The following DET1 variants were observed in gnomAD, a reference collection of about 807,000 sequenced individuals.
DET1 encodes DET1 homolog.
DET1 carries 22 observed loss-of-function variants against 43.7 expected under a neutral mutation model. The observed-to-expected ratio is 0.50, with a 90% CI of 0.36 to 0.72. The LOEUF (loss-of-function observed/expected upper bound fraction) is 0.72. DET1 is among the 30% of genes least tolerant of loss of function. The probability of loss-of-function intolerance (pLI) is 0.00; values close to 1 mark genes in which losing one functional copy is unlikely to be tolerated. For synonymous variants in DET1, 315 were observed against 266.2 expected (o/e 1.18, Z -1.79); for missense variants, 713 against 713.3 (o/e 1.00, Z 0.00).
intron 3 of DET1, among the ~76,000 whole-genome samples, chr15:88,523,262 T>C (rs1233494299): frequency 6.6e-6 from 1 of 152,200 alleles, no homozygotes. Flanking sequence ...CTCATGATCC[T>C]TGGTGACCAT....
intron 3 of DET1, among the ~76,000 whole-genome samples, chr15:88,518,082 G>A (rs1475221861): frequency 3.3e-5 from 5 of 151,204 alleles, no homozygotes; most frequent in Admixed American, 2.6e-4. Flanking sequence ...AGGACGACAG[G>A]TGCGTGCCAC....
chr15:88,511,598 C>T, downstream of DET1: 1 of 985,244 alleles, frequency 1.0e-6, no homozygotes, highest in Non-Finnish European at 1.2e-6. Context: ...TAGAGAGACA[C>T]AATGAGAGCT....
At chr15:88,532,509 T>A (rs2056842091) in intron 1 of DET1, among the ~76,000 whole-genome samples, 1 of 152,172 alleles carries the variant, frequency 6.6e-6, no homozygotes, top group Non-Finnish European at 1.5e-5. Context: ...CACAAAATAA[T>A]TTTGAAAAAG....
At chr15:88,517,786 T>C (rs2056386144) in intron 3 of DET1, among the ~76,000 whole-genome samples, 1 of 152,212 alleles carries the variant, frequency 6.6e-6, no homozygotes, top group Admixed American at 6.5e-5. Flanking sequence ...TTTGTTTGTT[T>C]AAATAAAATT....
intron 7 of DET1, among the ~76,000 whole-genome samples, chr15:88,506,101 G>A (rs2056137596): frequency 6.6e-6 from 1 of 152,200 alleles, no homozygotes; most frequent in Non-Finnish European, 1.5e-5. Context: ...CAGGCCAAGA[G>A]ATTTACAGAG....
chr15:88,527,762 T>G lies in DET1; in HGVS notation c.1108A>C (p.Met370Leu). ...SQASFFVVYNMVTTEVIAVFE... is the reference protein window; with the variant it reads ...SQASFFVVYNLVTTEVIAVFE... ...ACAGCAATCACCTCTGTCGTCACCA[T>G]ATTGTACACCACAAAGAAAGATGCC... is the stretch of plus-strand genomic sequence containing the variant. Residue 370 changes from methionine to leucine, a missense_variant, in exon 3 of 5, where the codon ATG (methionine) becomes CTG (leucine). Coordinates refer to ENST00000268148, the MANE Select transcript of DET1 (RefSeq NM_001144074.3). 2 of 1,607,504 alleles carry G rather than the reference T, an allele frequency of 1.2e-6. No homozygotes were observed. The highest frequency in any genetic ancestry group is 1.1e-5 in the South Asian group (1 of 90,322).
At position 88,527,893 on chromosome 15, in the gene DET1, A is replaced by AAACAACAACAACAACAAC. The variant is rs3217481; in HGVS notation, c.1084-125_1084-108dup. 3 of 461,052 alleles carry AAACAACAACAACAACAAC rather than the reference A, an allele frequency of 6.5e-6. No individual in the cohort carries two copies. In the Admixed American group the frequency reaches 1.3e-4, roughly 20 times the overall value. The allele number at this position is 461,052 out of a possible 1,614,324, so 28.6% of individuals were successfully genotyped here. A position where few individuals can be genotyped will look rare whatever the true frequency, so the allele number is the denominator to read the frequency against. The stretch of plus-strand genomic sequence containing the variant: ...AAAATTCAAGGCATGAATTTTCCAA[A>AAACAACAACAACAACAAC]AACAACAACAACAACAACAACAACA... On this transcript the variant is annotated intron_variant, in intron 2 of 4. Transcript: ENST00000268148.
intron 3 of DET1, among the ~76,000 whole-genome samples, chr15:88,525,861 A>G (rs1448985424): frequency 2.9e-5 from 4 of 138,432 alleles, no homozygotes; most frequent in African/African-American, 8.3e-5. Context: ...ATTTTTTGTA[A>G]AGATAGGGTT....
chr15:88,536,386 G>A, intron 1 of DET1: 1 of 768,564 alleles, frequency 1.3e-6, no homozygotes, highest in Non-Finnish European at 2.4e-6. Context: ...CAGCACCTAG[G>A]AGAAGGGACA....
chr15:88,508,051 T>C (rs548456810), downstream of DET1, among the ~76,000 whole-genome samples: 15 of 152,188 alleles, frequency 9.9e-5, no homozygotes, highest in African/African-American at 3.4e-4. Flanking sequence ...GGGATCTAGG[T>C]TGTGCGCTCC....
Position 88,531,119 on chromosome 15 carries a change from A to G in DET1, c.587T>C (p.Ile196Thr). 6.2e-7 allele frequency: 1 copy of G among 1,613,992 alleles called. No individual in the cohort carries two copies. Among genetic ancestry groups the G allele is most frequent in the South Asian group, 1.1e-5 (1 of 91,072 alleles). ...ACATAAGCGGCCGGTGTGAAGGTCA[A>G]TGATATGGAGGGAATAGTCTTCTAG... ...SPLEDYSLHI[I>T]DLHTGRLCDT... is the part of the protein sequence containing the mutation. Residue 196 changes from isoleucine (I) to threonine (T), a missense_variant, in exon 2 of 5, where the codon ATT (isoleucine) becomes ACT (threonine). By Grantham distance (89) the Ile-to-Thr change is moderately conservative. Coordinates refer to ENST00000268148, the MANE Select transcript of DET1 (RefSeq NM_001144074.3). The surrounding 1 kb of genome is among the most constrained non-coding windows in gnomAD (Gnocchi z 6.2).
intron 1 of DET1, among the ~76,000 whole-genome samples, chr15:88,538,008 G>A (rs997976146): frequency 5.3e-5 from 8 of 152,172 alleles, no homozygotes; most frequent in African/African-American, 1.9e-4. Flanking sequence ...GTACTCTCCA[G>A]ACAGGAAGTA....
At chr15:88,539,412 C>A (rs1276168540) in intron 1 of DET1, among the ~76,000 whole-genome samples, 3 of 136,142 alleles carry the variant, frequency 2.2e-5, no homozygotes, top group Non-Finnish European at 3.0e-5. Flanking sequence ...GGGCATCTGA[C>A]TGATCCCATC....
chr15:88,531,275 C>A lies in DET1; in HGVS notation c.431G>T (p.Cys144Phe). The change falls in exon 2 of 5, where the codon TGT becomes TTT. Residue 144 changes from cysteine to phenylalanine, a missense_variant. Physicochemically the swap from Cys to Phe is radical, Grantham distance 205. Coordinates refer to ENST00000268148, the MANE Select transcript of DET1 (RefSeq NM_001144074.3). This position sits in a 1 kb window ranked among gnomAD's most constrained non-coding sequence, Gnocchi z 6.2. ...GCGGCAGTCATCAGTGAAGAGACTA[C>A]ACTCCCGGTTCAGGTGCTCACCATT... ...AANGEHLNRE[C>F]SLFTDDCRCV... 1 of 1,613,942 alleles carries A rather than the reference C, an allele frequency of 6.2e-7. No individual in the cohort carries two copies. The highest frequency in any genetic ancestry group is 8.5e-7 in the Non-Finnish European group (1 of 1,179,864).
chr15:88,502,735 C>T (rs927454005), intron 8 of DET1: 5 of 152,210 alleles, frequency 3.3e-5, no homozygotes, highest in Non-Finnish European at 7.3e-5. Context: ...CTTGTTAACT[C>T]CATACTCAAA....
chr15:88,532,392 A>C (rs1300863019), intron 1 of DET1, among the ~76,000 whole-genome samples: 1 of 152,260 alleles, frequency 6.6e-6, no homozygotes, highest in African/African-American at 2.4e-5. Flanking sequence ...ATTACCCAAA[A>C]TAATCTACAG....
rs552571463 is a variant in DET1, at chr15:88,544,751, C to G, written c.-11+1789G>C. 2.6e-5 allele frequency among the ~76,000 whole-genome samples: 4 copies of G among 152,278 alleles called. No individual in the cohort carries two copies. The East Asian group carries it at 5.8e-4, about 22-fold the overall frequency. On this transcript the variant is annotated intron_variant, in intron 1 of 4. Coordinates refer to ENST00000268148, the MANE Select transcript of DET1 (RefSeq NM_001144074.3). ...AAAACAGGGGTCCCCAGGCCTCGGTCAGGCCCCTTCTAAAACTGTGCCTAA... is the reference window on the plus strand; with the variant it reads ...AAAACAGGGGTCCCCAGGCCTCGGTGAGGCCCCTTCTAAAACTGTGCCTAA...
rs1375098371 is a variant in DET1, at chr15:88,512,676, A to C, written c.*275T>G. ...TCATCTTCACAGCAATCAAATGCAA[A>C]GTAAAGCAAAAATGAAATGGACTTA... On this transcript the variant is annotated 3_prime_UTR_variant, in exon 5 of 5. Coordinates refer to ENST00000268148, the MANE Select transcript of DET1 (RefSeq NM_001144074.3). 14 of 1,185,816 alleles carry C rather than the reference A, an allele frequency of 1.2e-5. No homozygotes were observed. Among genetic ancestry groups the C allele is most frequent in the East Asian group, 3.9e-5 (1 of 25,776 alleles). 73.5% of individuals were successfully genotyped at this position (1,185,816 alleles called of 1,614,324 possible). A position where few individuals can be genotyped will look rare whatever the true frequency, so the allele number is the denominator to read the frequency against.
chr15:88,512,801 C>A lies in DET1; in HGVS notation c.*150G>T. 7.1e-7 allele frequency: 1 copy of A among 1,407,590 alleles called. No homozygotes were observed. The allele number at this position is 1,407,590 out of a possible 1,614,324, so 87.2% of individuals were successfully genotyped here. ...TAAAAATTCCATTAGGTTGAGCCAC[C>A]CTCACTCCTCTCTCTGGCTCTCTCC... On this transcript the variant is annotated 3_prime_UTR_variant, in exon 5 of 5. Transcript: ENST00000268148.
Sources: gnomAD v4.1 joint callset for allele counts (sites outside exome capture counted in the v4.1 genomes callset) on GRCh38, gnomAD v4.1.1 for gene constraint, Gnocchi (gnomAD v3.1) non-coding constraint, MANE v1.5 for transcripts, NCBI Gene and HGNC (gene_info 2026-07-23, HGNC 2026-07-21) for gene names.